PRTG: variants seen among roughly 807,000 people sequenced by gnomAD.
The protein encoded by PRTG is immunoglobulin superfamily, DCC subclass, member 5.
PRTG carries 67 observed loss-of-function variants against 122.5 expected under a neutral mutation model. The ratio of observed to expected loss-of-function variants is 0.55; its 90% CI spans 0.45 to 0.67. PRTG has a LOEUF of 0.67. Ranked by LOEUF, PRTG falls within the 30% of genes least tolerant of loss-of-function variation. The pLI is 0.00. For missense variants in PRTG, 1,435 were observed against 1,415.4 expected (o/e 1.01, Z -0.22); for synonymous variants, 554 against 501.1 (o/e 1.11, Z -1.41).
intron 15 of PRTG, among the ~76,000 whole-genome samples, chr15:55,630,646 C>A (rs117151966): frequency 5.1e-4 from 77 of 152,256 alleles, no homozygotes; most frequent in African/African-American, 1.2e-3. Flanking sequence ...AAGAAAGATT[C>A]CTATTTGGAC....
intron 9 of PRTG, among the ~76,000 whole-genome samples, chr15:55,674,601 A>G (rs2059491722): frequency 1.3e-5 from 2 of 152,312 alleles, no homozygotes; most frequent in Middle Eastern, 3.4e-3. Flanking sequence ...CATTAACCAC[A>G]TAAGTGAACC....
chr15:55,741,228 T>C (rs2031596886), intron 1 of PRTG, among the ~76,000 whole-genome samples: 1 of 152,244 alleles, frequency 6.6e-6, no homozygotes, highest in Non-Finnish European at 1.5e-5. Context: ...CAGCAGGGAC[T>C]CTATCTCCTC....
chr15:55,704,492 AAATT>A (rs2030012907), intron 2 of PRTG, among the ~76,000 whole-genome samples: 1 of 152,216 alleles, frequency 6.6e-6, no homozygotes, highest in African/African-American at 2.4e-5. Flanking sequence ...ACAGTATATT[AAATT>A]ATTTGTTGAT....
At chr15:55,649,415 A>G (rs2059341526) in intron 11 of PRTG, among the ~76,000 whole-genome samples, 1 of 7,226 alleles carries the variant, frequency 1.4e-4, no homozygotes, top group Non-Finnish European at 6.3e-3. Context: ...GGGGAGGGAA[A>G]ATAATTTAAT....
intron 2 of PRTG, among the ~76,000 whole-genome samples, chr15:55,724,832 C>T (rs555714182): frequency 6.6e-6 from 1 of 152,232 alleles, no homozygotes; most frequent in East Asian, 1.9e-4. Context: ...AACTGTCCTT[C>T]AGAGATGAGG....
intron 11 of PRTG, among the ~76,000 whole-genome samples, chr15:55,659,859 C>T (rs969424792): frequency 2.6e-5 from 4 of 151,870 alleles, no homozygotes; most frequent in Non-Finnish European, 5.9e-5. Flanking sequence ...ATGGAGGTTG[C>T]AGTGAGCCGA....
chr15:55,731,543 G>A (rs1162294811), intron 2 of PRTG, among the ~76,000 whole-genome samples: 1 of 151,518 alleles, frequency 6.6e-6, no homozygotes, highest in Non-Finnish European at 1.5e-5. Flanking sequence ...GATAATGTTT[G>A]TATTTTTAGT....
At chr15:55,737,898 G>GCTGCT (rs10624811) in intron 2 of PRTG, among the ~76,000 whole-genome samples, 30,711 of 150,078 alleles carry the variant, frequency 0.2, 3,791 homozygotes, top group East Asian at 0.58. Flanking sequence ...CTTGTACCCT[G>GCTGCT]CTGCTATCAA....
chr15:55,688,472 A>C (rs1402256803), intron 2 of PRTG, among the ~76,000 whole-genome samples: 1 of 152,126 alleles, frequency 6.6e-6, no homozygotes. Context: ...CTTCCAGCTT[A>C]GATCACCATC....
At chr15:55,697,517 T>G (rs1389340032) in intron 2 of PRTG, among the ~76,000 whole-genome samples, 1 of 146,504 alleles carries the variant, frequency 6.8e-6, no homozygotes, top group Non-Finnish European at 1.5e-5. Context: ...TTTTTCTGTT[T>G]GTTTGTTTGT....
intron 2 of PRTG, among the ~76,000 whole-genome samples, chr15:55,690,512 C>T (rs2059594773): frequency 6.6e-6 from 1 of 152,252 alleles, no homozygotes; most frequent in Non-Finnish European, 1.5e-5. Flanking sequence ...TACAGAGAAT[C>T]CCAAATTCAA....
rs549800259 is a variant in PRTG, at chr15:55,650,185, T to C, written c.2042-8977A>G. 3.3e-5 allele frequency among the ~76,000 whole-genome samples: 5 copies of C among 152,324 alleles called. No homozygotes were observed. The South Asian group carries it at 1.0e-3, about 32-fold the overall frequency. On this transcript the variant is annotated intron_variant, in intron 11 of 19. Coordinates refer to ENST00000389286, the MANE Select transcript of PRTG (RefSeq NM_173814.6). ...TTTCTCATCTGTACGATTAGAAAGC[T>C]GACACGTTTGTCAGTGTTCTCAAAT...
At chr15:55,725,400 C>T (rs1256576257) in intron 2 of PRTG, among the ~76,000 whole-genome samples, 1 of 151,956 alleles carries the variant, frequency 6.6e-6, no homozygotes. Flanking sequence ...ATAAGGTAAG[C>T]CTAGGCAACA....
chr15:55,714,205 G>C (rs1046592102), intron 2 of PRTG, among the ~76,000 whole-genome samples: 20 of 142,770 alleles, frequency 1.4e-4, no homozygotes, highest in Non-Finnish European at 1.8e-4. Context: ...CTATTTATCT[G>C]TCTCTCTCTC....
chr15:55,646,370 T>C (rs1335526694), intron 11 of PRTG, among the ~76,000 whole-genome samples: 1 of 151,088 alleles, frequency 6.6e-6, no homozygotes, highest in Non-Finnish European at 1.5e-5. Flanking sequence ...TCGCCCAGGA[T>C]GGAGTGCAGT....
chr15:55,695,021 T>A (rs778154012), intron 2 of PRTG, among the ~76,000 whole-genome samples: 7 of 152,194 alleles, frequency 4.6e-5, no homozygotes, highest in Non-Finnish European at 7.3e-5. Context: ...TGCGCTGTCC[T>A]CAAAAACAAC....
intron 2 of PRTG, among the ~76,000 whole-genome samples, chr15:55,723,640 T>C (rs1376967281): frequency 6.6e-6 from 1 of 151,928 alleles, no homozygotes; most frequent in Non-Finnish European, 1.5e-5. Context: ...ACATTTATAA[T>C]CGAACAGTTG....
intron 2 of PRTG, among the ~76,000 whole-genome samples, chr15:55,736,764 G>A (rs1336436648): frequency 1.7e-4 from 26 of 152,124 alleles, no homozygotes; most frequent in Admixed American, 1.7e-3. Context: ...CAAGTGAACA[G>A]TCCTGGAAAA....
chr15:55,703,508 A>G (rs2029969286), intron 2 of PRTG, among the ~76,000 whole-genome samples: 1 of 152,210 alleles, frequency 6.6e-6, no homozygotes, highest in Non-Finnish European at 1.5e-5. Flanking sequence ...AAATGTGATA[A>G]GAGGAAGAGT....
Sources: gnomAD v4.1 joint callset for allele counts (sites outside exome capture counted in the v4.1 genomes callset) on GRCh38, gnomAD v4.1.1 for gene constraint, MANE v1.5 for transcripts, NCBI Gene and HGNC (gene_info 2026-07-23, HGNC 2026-07-21) for gene names.